The following SIRT4 variants were observed in gnomAD, a reference collection of about 807,000 sequenced individuals.
SIRT4 encodes NAD-dependent protein lipoamidase sirtuin-4, mitochondrial.
In SIRT4, 23 loss-of-function variants were observed where a neutral mutation model predicts 26.1. The observed-to-expected ratio is 0.88, with a 90% CI of 0.63 to 1.25. The LOEUF (loss-of-function observed/expected upper bound fraction) is 1.25. Among genes scored for constraint, SIRT4 ranks in the 50% most tolerant of loss-of-function variants. The pLI, the probability that SIRT4 is intolerant of heterozygous loss-of-function variation, is 0.00. For synonymous variants in SIRT4, 155 were observed against 158.4 expected, an observed-to-expected ratio of 0.98 and a Z score of 0.16; for missense variants, 361 against 405.4, an observed-to-expected ratio of 0.89 and a Z score of 0.94.
At position 120,312,687 on chromosome 12, in the gene SIRT4, T is replaced by C; in HGVS notation, c.729T>C (p.Val243=). The C allele has an allele frequency of 6.2e-7, 1 of 1,614,048 alleles. No homozygotes were observed. ...GGGACACAGTGAACCCTGACAAGGT[T>C]GATTTTGTGCACAAGCGTGTAAAAG... ...FFGDTVNPDK[V]DFVHKRVKEA... The change falls in exon 3 of 4, where the codon GTT becomes GTC. Residue 243 remains valine (V), a synonymous_variant. Coordinates refer to ENST00000202967, the MANE Select transcript of SIRT4 (RefSeq NM_012240.3).
upstream of SIRT4, among the ~76,000 whole-genome samples, chr12:120,298,800 G>A (rs1266092576): frequency 6.6e-6 from 1 of 150,900 alleles, no homozygotes; most frequent in Non-Finnish European, 1.5e-5. Flanking sequence ...CCAGCTACTC[G>A]GGAGGCTGAG....
upstream of SIRT4, among the ~76,000 whole-genome samples, chr12:120,300,115 T>A (rs1308095366): frequency 2.0e-5 from 3 of 151,990 alleles, no homozygotes; most frequent in African/African-American, 7.2e-5. Context: ...TGAGACCGTG[T>A]CTCGACAAAA....
chr12:120,305,295 G>T (rs1348536921), intron 2 of SIRT4, among the ~76,000 whole-genome samples: 1 of 151,966 alleles, frequency 6.6e-6, no homozygotes, highest in African/African-American at 2.4e-5. Flanking sequence ...CTGTCACACA[G>T]ACTGGGATGT....
At chr12:120,297,040 T>C in the SIRT4 span, among the ~76,000 whole-genome samples, 1 of 150,742 alleles carries the variant, frequency 6.6e-6, no homozygotes, top group Non-Finnish European at 1.5e-5. Flanking sequence ...CTGGCCAAGA[T>C]GGTGAAACCT....
upstream of SIRT4, among the ~76,000 whole-genome samples, chr12:120,301,983 G>T (rs1307583301): frequency 2.7e-5 from 4 of 147,634 alleles, no homozygotes; most frequent in Non-Finnish European, 5.9e-5. Flanking sequence ...GGGAGAGGGA[G>T]GTTGCAGTGA....
chr12:120,306,244 GTT>G, intron 2 of SIRT4, among the ~76,000 whole-genome samples: 1 of 152,184 alleles, frequency 6.6e-6, no homozygotes, highest in South Asian at 2.1e-4. Flanking sequence ...GGGAGGCTGA[GTT>G]GGGCGGATCA....
the SIRT4 span, among the ~76,000 whole-genome samples, chr12:120,296,111 AAAG>A: frequency 6.7e-6 from 1 of 150,178 alleles, no homozygotes; most frequent in African/African-American, 2.4e-5. Context: ...AAAAAAAAAA[AAAG>A]AAAGTAACAT....
chr12:120,305,539 G>C (rs1235729060), intron 2 of SIRT4, among the ~76,000 whole-genome samples: 1 of 152,136 alleles, frequency 6.6e-6, no homozygotes, highest in Non-Finnish European at 1.5e-5. Context: ...GGGATGACTA[G>C]TGTGAGCCAC....
intron 2 of SIRT4, among the ~76,000 whole-genome samples, chr12:120,304,928 C>A (rs1248712172): frequency 6.8e-6 from 1 of 147,770 alleles, no homozygotes; most frequent in African/African-American, 2.5e-5. Context: ...CCAAGGCAGG[C>A]AGATTACCTG....
intron 1 of SIRT4, 65 bp from the exon 2 acceptor site, chr12:120,303,496 C>T (rs1378810247): frequency 1.3e-6 from 2 of 1,509,524 alleles, no homozygotes; most frequent in East Asian, 4.5e-5. Flanking sequence ...CGAAAACAAA[C>T]AAACAAAAAA....
At chr12:120,312,048 C>A (rs1294171288) in intron 2 of SIRT4, among the ~76,000 whole-genome samples, 2 of 151,930 alleles carry the variant, frequency 1.3e-5, no homozygotes, top group Non-Finnish European at 2.9e-5. Flanking sequence ...TTTGGGAGGC[C>A]AAGGAGGGAG....
chr12:120,311,453 C>T (rs1872967696), intron 2 of SIRT4, among the ~76,000 whole-genome samples: 1 of 151,450 alleles, frequency 6.6e-6, no homozygotes, highest in Non-Finnish European at 1.5e-5. Flanking sequence ...GAAGGGGGGC[C>T]AGGTGCAGTG....
At chr12:120,304,432 A>G (rs77891268) in intron 2 of SIRT4, among the ~76,000 whole-genome samples, 10,197 of 151,232 alleles carry the variant, frequency 0.067, 451 homozygotes, top group Admixed American at 0.15. Context: ...GGCAGATCAC[A>G]TGAGCTCAGG....
chr12:120,297,316 C>CAAA (rs56259520), upstream of SIRT4, among the ~76,000 whole-genome samples: 68 of 67,638 alleles, frequency 1.0e-3, no homozygotes, highest in South Asian at 1.4e-3. Context: ...CGCCTGTAAT[C>CAAA]AAAAAAAAAA....
At chr12:120,312,383 G>C (rs1026704999) in intron 2 of SIRT4, 73 bp from the exon 3 acceptor site, 2 of 1,410,380 alleles carry the variant, frequency 1.4e-6, no homozygotes, top group African/African-American at 1.4e-5. Context: ...AAAATGGTTG[G>C]AGATGAAACG....
chr12:120,291,810 T>C, the SIRT4 span: 8 of 152,300 alleles, frequency 5.3e-5, no homozygotes, highest in Middle Eastern at 3.4e-3. Context: ...ATATTTCAAG[T>C]CGTCATGGCG....
At position 120,312,550 on chromosome 12, in the gene SIRT4, GGC is replaced by G; in HGVS notation, c.593_594del (p.Gly198AlafsTer4). Reference sequence around the variant, plus strand: ...CCCCACCTGGAGTGCTGAGGCCCATGGCCTGGCTCCTGATGGTGACGTCTTTC... The same window carrying G: ...CCCCACCTGGAGTGCTGAGGCCCATGCTGGCTCCTGATGGTGACGTCTTTC... ...LNPTWSAEAH[G>X]LAPDGDVFLS... On this transcript the variant is annotated frameshift_variant, in exon 3 of 4. Coordinates refer to ENST00000202967, the MANE Select transcript of SIRT4 (RefSeq NM_012240.3). LOFTEE classifies it high-confidence loss of function. The G allele has an allele frequency of 6.2e-7, 1 of 1,614,170 alleles. No individual in the cohort carries two copies. Among genetic ancestry groups the G allele is most frequent in the Non-Finnish European group, 8.5e-7 (1 of 1,180,034 alleles).
chr12:120,299,246 T>TAAATACA (rs1555328042), upstream of SIRT4, among the ~76,000 whole-genome samples: 3 of 146,238 alleles, frequency 2.1e-5, no homozygotes, highest in South Asian at 6.6e-4. Context: ...AATAAATAAA[T>TAAATACA]ACAATAATAA....
Position 120,312,695 on chromosome 12 carries a change from T to A in SIRT4, c.737T>A (p.Val246Glu). 6.2e-7 allele frequency: 1 copy of A among 1,614,142 alleles called. No individual in the cohort carries two copies. Among genetic ancestry groups the A allele is most frequent in the South Asian group, 1.1e-5 (1 of 91,078 alleles). ...DTVNPDKVDF[V>E]HKRVKEADSL... ...GTGAACCCTGACAAGGTTGATTTTG[T>A]GCACAAGCGTGTAAAAGAAGCCGAC... The change falls in exon 3 of 4, where the codon GTG (valine) becomes GAG (glutamate). Residue 246 changes from valine to glutamate, a missense_variant. Val to Glu is a moderately radical substitution (Grantham distance 121). Coordinates refer to ENST00000202967, the MANE Select transcript of SIRT4 (RefSeq NM_012240.3).
Sources: gnomAD v4.1 joint callset for allele counts (sites outside exome capture counted in the v4.1 genomes callset) on GRCh38, gnomAD v4.1.1 for gene constraint, MANE v1.5 for transcripts, NCBI Gene and HGNC (gene_info 2026-07-23, HGNC 2026-07-21) for gene names.